SLC44A5: variants seen among roughly 807,000 people sequenced by gnomAD.
SLC44A5 encodes solute carrier family 44 member 5.
A neutral mutation model predicts 101.8 loss-of-function variants in SLC44A5; 57 were observed. The ratio of observed to expected loss-of-function variants is 0.56; its 90% CI spans 0.45 to 0.70. SLC44A5 has a LOEUF of 0.70. SLC44A5 is among the 30% of genes least tolerant of loss of function. SLC44A5 has a pLI of 0.00. For missense variants in SLC44A5, 737 were observed against 853.1 expected (o/e 0.86, Z 1.70); for synonymous variants, 281 against 290.9 (o/e 0.97, Z 0.35).
intron 3 of SLC44A5, among the ~76,000 whole-genome samples, chr1:75,393,885 G>A (rs955410637): frequency 2.6e-5 from 4 of 152,278 alleles, no homozygotes; most frequent in Admixed American, 2.0e-4. Context: ...GAGTGGTGAT[G>A]CCCTTATTAG....
chr1:75,591,667 G>A (rs932534081), intron 1 of SLC44A5, among the ~76,000 whole-genome samples: 2 of 152,094 alleles, frequency 1.3e-5, no homozygotes, highest in Admixed American at 6.5e-5. Flanking sequence ...ACACTAGAAA[G>A]ATCGTTTATA....
At position 75,348,131 on chromosome 1, in the gene SLC44A5, T is replaced by TTCTC. The variant is rs144447936; in HGVS notation, c.53-8505_53-8502dup. On this transcript the variant is annotated intron_variant, in intron 3 of 23. Transcript: ENST00000370859. Reference sequence around the variant, plus strand: ...AATTCCAAAAGTATTGTAGGCTCCCTTCTCTCTCTCTCTCTCTCCTCTCTC... The same window carrying TTCTC: ...AATTCCAAAAGTATTGTAGGCTCCCTTCTCTCTCTCTCTCTCTCTCTCCTCTCTC... Among the ~76,000 whole-genome samples, 4 of 150,052 alleles carry TTCTC rather than the reference T, an allele frequency of 2.7e-5. No individual in the cohort carries two copies. In the East Asian group the frequency reaches 5.8e-4, roughly 22 times the overall value.
chr1:75,240,861 A>G (rs958182218), intron 9 of SLC44A5, among the ~76,000 whole-genome samples: 1 of 152,062 alleles, frequency 6.6e-6, no homozygotes, highest in Admixed American at 6.6e-5. Flanking sequence ...CAAAATGACT[A>G]CTTAATGTTT....
At chr1:75,677,470 TA>T in the SLC44A5 span, among the ~76,000 whole-genome samples, 1 of 151,946 alleles carries the variant, frequency 6.6e-6, no homozygotes, top group East Asian at 1.9e-4. Context: ...TTTAAAAACA[TA>T]AAACAGATAC....
intron 3 of SLC44A5, among the ~76,000 whole-genome samples, chr1:75,364,233 T>G (rs759923733): frequency 2.6e-5 from 4 of 152,146 alleles, no homozygotes; most frequent in Admixed American, 2.0e-4. Flanking sequence ...ACTGGGTAAT[T>G]TATAAAGAAA....
chr1:75,717,505 G>T, the SLC44A5 span, among the ~76,000 whole-genome samples: 11 of 152,092 alleles, frequency 7.2e-5, no homozygotes, highest in Non-Finnish European at 1.6e-4. Context: ...CTACCTATTG[G>T]GTACTACGCT....
rs539000089 is a variant in SLC44A5, at chr1:75,383,451, C to A, written c.52+13132G>T. On this transcript the variant is annotated intron_variant, in intron 3 of 23. Transcript: ENST00000370859. Reference sequence around the variant, plus strand: ...CCCACAGGTGTGTAGGGGCAACCCACCCCTACAATGGAAGATGAAATGAAT... The same window carrying A: ...CCCACAGGTGTGTAGGGGCAACCCAACCCTACAATGGAAGATGAAATGAAT... Among the ~76,000 whole-genome samples the A allele has an allele frequency of 2.0e-3, 299 of 152,064 alleles. 2 individuals are homozygous for A. Among genetic ancestry groups the A allele is most frequent in the Non-Finnish European group, 1.4e-3 (97 of 68,008 alleles).
At chr1:75,682,770 T>C in the SLC44A5 span, among the ~76,000 whole-genome samples, 1 of 151,762 alleles carries the variant, frequency 6.6e-6, no homozygotes, top group Non-Finnish European at 1.5e-5. Flanking sequence ...CTAATTAAAC[T>C]AAAGAGCTTC....
At chr1:75,390,890 G>T (rs897039120) in intron 3 of SLC44A5, among the ~76,000 whole-genome samples, 1 of 152,056 alleles carries the variant, frequency 6.6e-6, no homozygotes, top group Admixed American at 6.6e-5. Context: ...AATAGGAAAA[G>T]AATATGTAAA....
the SLC44A5 span, among the ~76,000 whole-genome samples, chr1:75,643,599 C>A: frequency 6.6e-6 from 1 of 152,144 alleles, no homozygotes; most frequent in Non-Finnish European, 1.5e-5. Context: ...AGGAGGGGCC[C>A]AGTGAGAGGT....
chr1:75,548,636 T>A (rs1382755622), intron 1 of SLC44A5, among the ~76,000 whole-genome samples: 1 of 152,134 alleles, frequency 6.6e-6, no homozygotes, highest in Non-Finnish European at 1.5e-5. Context: ...CTCGCATCTG[T>A]GAAGACTGTT....
intron 12 of SLC44A5, among the ~76,000 whole-genome samples, chr1:75,233,284 G>A (rs1263719967): frequency 6.6e-6 from 1 of 151,986 alleles, no homozygotes; most frequent in African/African-American, 2.4e-5. Context: ...GGCTCTTAGT[G>A]TATCCATCAC....
At chr1:75,399,554 TG>T (rs1212737409) in intron 2 of SLC44A5, among the ~76,000 whole-genome samples, 2 of 152,126 alleles carry the variant, frequency 1.3e-5, no homozygotes, top group Non-Finnish European at 2.9e-5. Flanking sequence ...TTGGACAGAA[TG>T]TGGTAAATAC....
the SLC44A5 span, among the ~76,000 whole-genome samples, chr1:75,644,134 T>A: frequency 2.6e-5 from 4 of 152,192 alleles, no homozygotes; most frequent in Admixed American, 2.0e-4. Context: ...ATATGCAAGA[T>A]AATGGACATG....
chr1:75,704,713 A>G, the SLC44A5 span, among the ~76,000 whole-genome samples: 1 of 152,222 alleles, frequency 6.6e-6, no homozygotes, highest in Non-Finnish European at 1.5e-5. Flanking sequence ...TAAGAGACCA[A>G]TAACTGTTTA....
In SLC44A5 at chr1:75,493,572, TAG is replaced by T. The variant is rs1192533403; in HGVS notation, c.13+47861_13+47862del. ...TTTACAATGGAATTATCAGCCACAG[TAG>T]AGACTGAAAACACAATGTAATAATA... On this transcript the variant is annotated intron_variant, in intron 2 of 23. Coordinates refer to ENST00000370859, the MANE Select transcript of SLC44A5 (RefSeq NM_001130058.2). 7.2e-5 allele frequency among the ~76,000 whole-genome samples: 11 copies of T among 152,176 alleles called. No homozygotes were observed. In the East Asian group the frequency reaches 1.9e-3, roughly 27 times the overall value.
chr1:75,461,370 G>A (rs997869626), intron 2 of SLC44A5, among the ~76,000 whole-genome samples: 4 of 152,028 alleles, frequency 2.6e-5, no homozygotes, highest in South Asian at 2.1e-4. Flanking sequence ...CTTCACACAC[G>A]TGTTATCTTA....
At chr1:75,345,237 A>G (rs1404949239) in intron 3 of SLC44A5, among the ~76,000 whole-genome samples, 1 of 152,124 alleles carries the variant, frequency 6.6e-6, no homozygotes, top group Admixed American at 6.6e-5. Flanking sequence ...TGTCAAGGCA[A>G]GTAGAAGCTG....
Position 75,542,953 on chromosome 1 carries a change from T to A in SLC44A5, c.-69-1437A>T, listed in dbSNP as rs985939976. Among the ~76,000 whole-genome samples, 3 of 152,176 alleles carry A rather than the reference T, an allele frequency of 2.0e-5. 1 individual carries two copies. The highest frequency in any genetic ancestry group is 1.3e-4 in the Admixed American group (2 of 15,258). ...ACTAAGATCTATCAACCACTAGTTA[T>A]CTGAACATGTGACTCTTGGGAATGA... On this transcript the variant is annotated intron_variant, in intron 1 of 23. Transcript: ENST00000370859.
Sources: allele counts gnomAD v4.1 joint callset (sites outside exome capture counted in the v4.1 genomes callset), GRCh38; gene constraint gnomAD v4.1.1; transcripts MANE v1.5; gene names NCBI Gene and HGNC (gene_info 2026-07-23, HGNC 2026-07-21).